Variants in SOX6 observed in about 807,000 individuals in gnomAD.
The protein encoded by SOX6 is SRY-box transcription factor 6.
SOX6 carries 11 observed loss-of-function variants against 97.8 expected under a neutral mutation model. The ratio of observed to expected loss-of-function variants is 0.11; its 90% CI spans 0.07 to 0.19. The LOEUF is 0.19. Ranked by LOEUF, SOX6 falls within the 10% of genes least tolerant of loss-of-function variation. SOX6 has a pLI of 1.00. For missense variants in SOX6, 810 were observed against 1,039.5 expected, an observed-to-expected ratio of 0.78 and a Z score of 3.04; for synonymous variants, 360 against 371.4, an observed-to-expected ratio of 0.97 and a Z score of 0.35.
intron 1 of SOX6, among the ~76,000 whole-genome samples, chr11:16,366,098 A>G (rs908004481): frequency 6.6e-6 from 1 of 152,126 alleles, no homozygotes; most frequent in Admixed American, 6.6e-5. Context: ...AACAAATAAG[A>G]TTCTGGGAAT....
chr11:16,423,393 T>C (rs1276449280), intron 1 of SOX6, among the ~76,000 whole-genome samples: 1 of 152,214 alleles, frequency 6.6e-6, no homozygotes, highest in Non-Finnish European at 1.5e-5. Flanking sequence ...ATAAATGGAT[T>C]AATAAATGCA....
chr11:16,469,827 TC>T (rs1297419594), intron 1 of SOX6, among the ~76,000 whole-genome samples: 1 of 152,032 alleles, frequency 6.6e-6, no homozygotes, highest in East Asian at 1.9e-4. Context: ...TATTTTTTTC[TC>T]AAAATTCCAT....
chr11:15,971,711 G>A lies in SOX6; in HGVS notation c.*1098C>T, dbSNP rs1290265789. Reference sequence around the variant, plus strand: ...CAGAAATGCTTCCAGGCGTTCTGGGGACATAAAATCACTATGTACACAGGA... The same window carrying A: ...CAGAAATGCTTCCAGGCGTTCTGGGAACATAAAATCACTATGTACACAGGA... On this transcript the variant is annotated 3_prime_UTR_variant, in exon 16 of 16. Transcript: ENST00000683767. The A allele has an allele frequency of 5.2e-5, 8 of 152,488 alleles. No individual in the cohort carries two copies. The highest frequency in any genetic ancestry group is 2.1e-4 in the South Asian group (1 of 4,826). The allele number at this position is 152,488 out of a possible 1,614,324, so 9.4% of individuals were successfully genotyped here.
intron 13 of SOX6, among the ~76,000 whole-genome samples, chr11:15,995,020 T>G (rs1032953071): frequency 5.9e-5 from 9 of 152,282 alleles, no homozygotes; most frequent in African/African-American, 1.7e-4. Context: ...GTGGCTAGAA[T>G]GCAAATAGAA....
intron 15 of SOX6, among the ~76,000 whole-genome samples, chr11:15,979,489 C>T (rs553030612): frequency 6.6e-6 from 1 of 152,224 alleles, no homozygotes; most frequent in East Asian, 1.9e-4. Flanking sequence ...CTGCTTAAAA[C>T]TCATCAATGC....
chr11:16,213,345 T>G lies in SOX6; in HGVS notation c.535+21237A>C, dbSNP rs975568874. 2.0e-5 allele frequency among the ~76,000 whole-genome samples: 3 copies of G among 152,288 alleles called. 1 individual carries two copies. The highest frequency in any genetic ancestry group is 4.1e-4 in the South Asian group (2 of 4,822). ...TTTTCTTCTTCTTTAGTATTTTCCTTAGCATGTCTAAATCTCTCTGTCTGC... is the reference window on the plus strand; with the variant it reads ...TTTTCTTCTTCTTTAGTATTTTCCTGAGCATGTCTAAATCTCTCTGTCTGC... On this transcript the variant is annotated intron_variant, in intron 4 of 15. Transcript: ENST00000683767.
intron 13 of SOX6, among the ~76,000 whole-genome samples, chr11:16,009,583 C>T (rs1443186236): frequency 6.6e-6 from 1 of 152,008 alleles, no homozygotes; most frequent in Non-Finnish European, 1.5e-5. Flanking sequence ...TTAGGACGAG[C>T]CTCTCAAGAA....
intron 3 of SOX6, among the ~76,000 whole-genome samples, chr11:16,704,256 TG>T (rs1478531018): frequency 5.9e-5 from 9 of 152,290 alleles, no homozygotes; most frequent in Non-Finnish European, 1.0e-4. Context: ...GTTTCCCTTC[TG>T]GAAATACATG....
intron 3 of SOX6, among the ~76,000 whole-genome samples, chr11:16,653,462 G>C (rs1847681960): frequency 6.6e-6 from 1 of 152,112 alleles, no homozygotes; most frequent in South Asian, 2.1e-4. Flanking sequence ...TGAAATGATG[G>C]CATTCACAGC....
At chr11:16,637,361 C>G (rs1448833699) in intron 3 of SOX6, among the ~76,000 whole-genome samples, 1 of 152,116 alleles carries the variant, frequency 6.6e-6, no homozygotes, top group Admixed American at 6.5e-5. Context: ...CCTGGGACTA[C>G]AGGCGTGCAC....
At chr11:16,126,260 T>C (rs978932475) in intron 6 of SOX6, among the ~76,000 whole-genome samples, 2 of 152,090 alleles carry the variant, frequency 1.3e-5, no homozygotes, top group Non-Finnish European at 2.9e-5. Context: ...GATGATCAAA[T>C]CTATAGACTT....
chr11:16,330,228 A>G (rs1227659267), intron 2 of SOX6, among the ~76,000 whole-genome samples: 1 of 152,178 alleles, frequency 6.6e-6, no homozygotes, highest in Non-Finnish European at 1.5e-5. Flanking sequence ...CTGATAGTGA[A>G]TTTCCCAGCA....
At chr11:16,159,129 C>G (rs1314726370) in intron 6 of SOX6, among the ~76,000 whole-genome samples, 1 of 152,012 alleles carries the variant, frequency 6.6e-6, no homozygotes, top group East Asian at 1.9e-4. Flanking sequence ...TAAGAGAATA[C>G]TATCATCAAA....
chr11:16,367,421 A>T (rs980356588), intron 1 of SOX6, among the ~76,000 whole-genome samples: 8 of 152,178 alleles, frequency 5.3e-5, no homozygotes, highest in African/African-American at 1.9e-4. Context: ...TGAGATCTTT[A>T]ATGATGCCAC....
chr11:16,140,442 A>G (rs1850101032), intron 6 of SOX6, among the ~76,000 whole-genome samples: 1 of 152,190 alleles, frequency 6.6e-6, no homozygotes, highest in South Asian at 2.1e-4. Flanking sequence ...ACAAGTTTTG[A>G]AGCCACAGAG....
At chr11:16,600,948 G>T (rs1398738240) in intron 4 of SOX6, among the ~76,000 whole-genome samples, 1 of 151,994 alleles carries the variant, frequency 6.6e-6, no homozygotes, top group Non-Finnish European at 1.5e-5. Context: ...GGAGCACTAG[G>T]TTTTTTTACT....
intron 4 of SOX6, among the ~76,000 whole-genome samples, chr11:16,205,788 G>A (rs1250703745): frequency 1.3e-5 from 2 of 152,088 alleles, no homozygotes; most frequent in African/African-American, 4.8e-5. Context: ...TTACAGAGTG[G>A]AAGGTTTCTG....
intron 6 of SOX6, among the ~76,000 whole-genome samples, chr11:16,143,918 C>A (rs1316229520): frequency 6.6e-6 from 1 of 152,118 alleles, no homozygotes; most frequent in Admixed American, 6.5e-5. Flanking sequence ...CTTTAACACC[C>A]CACTGTCAAC....
At chr11:16,154,747 C>T (rs1378557931) in intron 6 of SOX6, among the ~76,000 whole-genome samples, 1 of 152,048 alleles carries the variant, frequency 6.6e-6, no homozygotes, top group East Asian at 1.9e-4. Context: ...TCTATTTCCC[C>T]AAGTATAACT....
Sources: gnomAD v4.1 joint callset for allele counts (sites outside exome capture counted in the v4.1 genomes callset) on GRCh38, gnomAD v4.1.1 for gene constraint, MANE v1.5 for transcripts, NCBI Gene and HGNC (gene_info 2026-07-23, HGNC 2026-07-21) for gene names.